Variants in SMO observed in about 807,000 individuals in gnomAD.
SMO encodes smoothened, frizzled class receptor.
In SMO, 40 loss-of-function variants were observed where a neutral mutation model predicts 81.6. The observed-to-expected ratio is 0.49, with a 90% CI of 0.38 to 0.64. The LOEUF is 0.64. Among genes scored for constraint, SMO ranks in the 30% least tolerant of loss-of-function variants. SMO has a pLI of 0.00. For missense variants in SMO, 916 were observed against 1,061.1 expected (o/e 0.86, Z 1.90); for synonymous variants, 434 against 432.1 (o/e 1.00, Z -0.05).
chr7:129,209,617 C>A (rs1050912770), intron 8 of SMO, among the ~76,000 whole-genome samples: 1 of 152,182 alleles, frequency 6.6e-6, no homozygotes, highest in South Asian at 2.1e-4. Flanking sequence ...CCCTCTCCAC[C>A]CCCTTGGTTG....
Position 129,208,110 on chromosome 7 carries a change from C to CT in SMO, c.1265-642dup, listed in dbSNP as rs922529629. On this transcript the variant is annotated intron_variant, in intron 6 of 11. Transcript: ENST00000249373. The surrounding 1 kb of genome is among the most constrained non-coding windows in gnomAD (Gnocchi z 5.2). ...TATTAGTTTTGCTTGTTTCTTTTAA[C>CT]TTTTTTTAAGTGGCCACTAGAAATT... 2.0e-4 allele frequency among the ~76,000 whole-genome samples: 31 copies of CT among 152,148 alleles called. No homozygotes were observed. The Middle Eastern group carries it at 0.014, about 67-fold the overall frequency.
chr7:129,197,717 G>A (rs774573880), intron 1 of SMO, among the ~76,000 whole-genome samples: 43 of 152,070 alleles, frequency 2.8e-4, no homozygotes, highest in Non-Finnish European at 5.4e-4. Context: ...CACTGCGCCC[G>A]GCTGAATTTT....
In SMO at chr7:129,210,310, A is replaced by T. The variant is rs1584665045; in HGVS notation, c.1467-53A>T. On this transcript the variant is annotated intron_variant, in intron 8 of 11. Coordinates refer to ENST00000249373, the MANE Select transcript of SMO (RefSeq NM_005631.5). The surrounding 1 kb of genome is among the most constrained non-coding windows in gnomAD (Gnocchi z 4.7). ...ACAGAGCAAGATCCTATCTCAAAAA[A>T]AGAGAGAGGAAAAGAAAGGAAAGCC... is the stretch of plus-strand genomic sequence containing the variant. 1 of 1,470,300 alleles carries T rather than the reference A, an allele frequency of 6.8e-7. No individual in the cohort carries two copies. The highest frequency in any genetic ancestry group is 1.1e-5 in the South Asian group (1 of 87,388). 91.1% of individuals were successfully genotyped at this position (1,470,300 alleles called of 1,614,324 possible). A position where few individuals can be genotyped will look rare whatever the true frequency, so the allele number is the denominator to read the frequency against.
Position 129,205,597 on chromosome 7 carries a change from TTC to T in SMO, c.748-7_748-6del. The T allele has an allele frequency of 6.2e-7, 1 of 1,609,516 alleles. No homozygotes were observed. Among genetic ancestry groups the T allele is most frequent in the Non-Finnish European group, 8.5e-7 (1 of 1,176,052 alleles). Reference sequence around the variant, plus strand: ...ACCCTAACCTCACAGAATGGCCCACTTCTCTCTTCTAGGCCACATTCGTGGCT... The same window carrying T: ...ACCCTAACCTCACAGAATGGCCCACTTCTCTTCTAGGCCACATTCGTGGCT... On this transcript the variant is annotated splice_polypyrimidine_tract_variant and intron_variant, in intron 3 of 11. Coordinates refer to ENST00000249373, the MANE Select transcript of SMO (RefSeq NM_005631.5).
chr7:129,210,614 A>G lies in SMO; in HGVS notation c.1652+66A>G, dbSNP rs1793854121. 6 of 1,355,048 alleles carry G rather than the reference A, an allele frequency of 4.4e-6. No homozygotes were observed. Among genetic ancestry groups the G allele is most frequent in the Non-Finnish European group, 6.3e-6 (6 of 956,332 alleles). The allele number at this position is 1,355,048 out of a possible 1,614,324, so 83.9% of individuals were successfully genotyped here. On this transcript the variant is annotated intron_variant, in intron 9 of 11. Transcript: ENST00000249373. This position sits in a 1 kb window ranked among gnomAD's most constrained non-coding sequence, Gnocchi z 4.7. ...CCCTCAGCCTTGGGACCCCATCTTT[A>G]GGTTTTGTCGGGTCCTGCCTCTAGC...
chr7:129,205,304 C>T lies in SMO; in HGVS notation c.639C>T (p.Cys213=), dbSNP rs756482877. 1.3e-5 allele frequency: 21 copies of T among 1,614,062 alleles called. No individual in the cohort carries two copies. The highest frequency in any genetic ancestry group is 1.7e-5 in the Admixed American group (1 of 60,014). ...PKSWYEDVEG[C]GIQCQNPLFT... ...GCTGGTACGAGGACGTGGAGGGCTGCGGCATCCAGTGCCAGAACCCGCTCT... is the reference window on the plus strand; with the variant it reads ...GCTGGTACGAGGACGTGGAGGGCTGTGGCATCCAGTGCCAGAACCCGCTCT... Residue 213 remains cysteine, a synonymous_variant, in exon 3 of 12, where the codon TGC becomes TGT. Coordinates refer to ENST00000249373, the MANE Select transcript of SMO (RefSeq NM_005631.5).
At chr7:129,201,027 G>A (rs1029372617) in intron 1 of SMO, among the ~76,000 whole-genome samples, 7 of 151,530 alleles carry the variant, frequency 4.6e-5, no homozygotes, top group African/African-American at 1.7e-4. Context: ...ATGAGCTACC[G>A]CACCTGGCTG....
chr7:129,205,515 A>T (rs1793749715), intron 3 of SMO, 95 bp from the exon 4 acceptor site: 13 of 1,516,906 alleles, frequency 8.6e-6, no homozygotes, highest in South Asian at 2.3e-5. Context: ...TCCCCAGGGA[A>T]GGGTCATGAT....
chr7:129,207,366 G>C (rs915899637), intron 6 of SMO, among the ~76,000 whole-genome samples: 13 of 152,166 alleles, frequency 8.5e-5, no homozygotes, highest in Non-Finnish European at 1.6e-4. Flanking sequence ...CACAGCATGC[G>C]TGGAATTAGT....
In SMO at chr7:129,211,808, G is replaced by A. The variant is rs770868327; in HGVS notation, c.1936+38G>A. ...AAGCTTCTGGAGGAAGGTGGGGGGA[G>A]CACAGAGGCTGGGGGCTTCTGGGAC... On this transcript the variant is annotated intron_variant, in intron 11 of 11. Transcript: ENST00000249373. The surrounding 1 kb of genome is among the most constrained non-coding windows in gnomAD (Gnocchi z 4.6). 3 of 1,612,766 alleles carry A rather than the reference G, an allele frequency of 1.9e-6. No homozygotes were observed. The highest frequency in any genetic ancestry group is 2.7e-5 in the African/African-American group (2 of 74,900).
At chr7:129,196,033 G>A (rs889779299) in intron 1 of SMO, among the ~76,000 whole-genome samples, 18 of 150,872 alleles carry the variant, frequency 1.2e-4, no homozygotes, top group East Asian at 1.2e-3. Context: ...CCCAGGAGGC[G>A]GAGCTTGCAG....
rs559523930 is a variant in SMO at position 129,210,220 on chromosome 7, G to A, written c.1467-143G>A. The stretch of plus-strand genomic sequence containing the variant: ...ACTTGGGAGGCTGAAGCAGGAGATT[G>A]CCTGAGCCCAGGAGTTGGAAGCTGC... On this transcript the variant is annotated intron_variant, in intron 8 of 11. Coordinates refer to ENST00000249373, the MANE Select transcript of SMO (RefSeq NM_005631.5). The surrounding 1 kb of genome is among the most constrained non-coding windows in gnomAD (Gnocchi z 4.7). 2.2e-5 allele frequency: 14 copies of A among 646,550 alleles called. No individual in the cohort carries two copies. In the African/African-American group the frequency reaches 2.2e-4, roughly 10 times the overall value. 40.1% of individuals were successfully genotyped at this position (646,550 alleles called of 1,614,324 possible).
rs752497829 is a variant in SMO at position 129,212,318 on chromosome 7, C to A, written c.2231C>A (p.Pro744His). The A allele has an allele frequency of 1.9e-6, 3 of 1,614,196 alleles. No homozygotes were observed. Among genetic ancestry groups the A allele is most frequent in the South Asian group, 2.2e-5 (2 of 91,084 alleles). Residue 744 changes from proline (P) to histidine (H), a missense_variant, in exon 12 of 12, where the codon CCT (proline) becomes CAT (histidine). Transcript: ENST00000249373. The surrounding 1 kb of genome is among the most constrained non-coding windows in gnomAD (Gnocchi z 5.0). The part of the protein sequence containing the change: ...SNPFCPEPSP[P>H]QDPFLPSAPA... ...CCATTCTGCCCAGAGCCCAGTCCCC[C>A]TCAGGATCCATTTCTGCCCAGTGCA...
At chr7:129,201,291 C>T (rs755538205) in intron 1 of SMO, among the ~76,000 whole-genome samples, 4 of 152,118 alleles carry the variant, frequency 2.6e-5, no homozygotes, top group Admixed American at 1.3e-4. Flanking sequence ...GTGATCCACC[C>T]GCCTCGGCCT....
rs2150637822 is a variant in SMO, at chr7:129,189,203, C to T, written c.52C>T (p.Leu18=). Residue 18 remains leucine (L), a synonymous_variant, in exon 1 of 12, where the codon CTG becomes TTG. Coordinates refer to ENST00000249373, the MANE Select transcript of SMO (RefSeq NM_005631.5). This position sits in a 1 kb window ranked among gnomAD's most constrained non-coding sequence, Gnocchi z 4.7. ...RGPELPLLGL[L]LLLLLGDPGR... ...GCCGGAGCTCCCGCTCCTGGGGCTG[C>T]TGCTGCTGCTGCTGCTGGGGGACCC... is the stretch of plus-strand genomic sequence containing the variant. 1 of 1,141,608 alleles carries T rather than the reference C, an allele frequency of 8.8e-7. No homozygotes were observed. Among genetic ancestry groups the T allele is most frequent in the Non-Finnish European group, 1.1e-6 (1 of 908,886 alleles). The allele number at this position is 1,141,608 out of a possible 1,614,324, so 70.7% of individuals were successfully genotyped here. A position where few individuals can be genotyped will look rare whatever the true frequency, so the allele number is the denominator to read the frequency against.
rs1793744398 is a variant in SMO at position 129,205,267 on chromosome 7, A to G, written c.602A>G (p.Asp201Gly). The change falls in exon 3 of 12, where the codon GAC (aspartate) becomes GGC (glycine). Residue 201 changes from aspartate (D) to glycine (G), a missense_variant. By Grantham distance (94) the Asp-to-Gly change is moderately conservative (BLOSUM62 -1). Transcript: ENST00000249373. ...GQCEVPLVRT[D>G]NPKSWYEDVE... ...TGCGAAGTGCCCTTGGTTCGGACAG[A>G]CAACCCCAAGAGCTGGTACGAGGAC... 6.2e-7 allele frequency: 1 copy of G among 1,614,242 alleles called. No homozygotes were observed. The highest frequency in any genetic ancestry group is 8.5e-7 in the Non-Finnish European group (1 of 1,180,032).
intron 4 of SMO, 63 bp downstream of exon 4, chr7:129,205,845 C>T (rs2150649552): frequency 1.3e-6 from 2 of 1,495,502 alleles, no homozygotes; most frequent in Non-Finnish European, 9.1e-7. Context: ...TGCGTTTACC[C>T]CAAAGGGAGC....
rs1793882610 is a variant in SMO, at chr7:129,212,137, C to T, written c.2050C>T (p.Pro684Ser). Residue 684 changes from proline to serine, a missense_variant, in exon 12 of 12, where the codon CCG (proline) becomes TCG (serine). By Grantham distance (74) the Pro-to-Ser change is moderately conservative. Around this residue, in one of 4 missense-constraint regions of SMO, gnomAD observed 324 missense variants for 312.9 expected, o/e 1.04. Transcript: ENST00000249373. The surrounding 1 kb of genome is among the most constrained non-coding windows in gnomAD (Gnocchi z 5.0). ...KRRKRKKEVC[P>S]LAPPPELHPP... ...GAGGAAGAGGAAGAAGGAGGTGTGC[C>T]CGCTGGCGCCGCCCCCTGAGCTTCA... 1 of 1,558,624 alleles carries T rather than the reference C, an allele frequency of 6.4e-7. No individual in the cohort carries two copies. The highest frequency in any genetic ancestry group is 8.7e-7 in the Non-Finnish European group (1 of 1,151,682).
intron 8 of SMO, chr7:129,209,819 G>A (rs1793839606): frequency 5.3e-6 from 1 of 190,128 alleles, no homozygotes; most frequent in Admixed American, 5.3e-5. Flanking sequence ...GCTTTTTTGT[G>A]TCATAATGAG....
Sources: gnomAD v4.1 joint callset for allele counts (sites outside exome capture counted in the v4.1 genomes callset) on GRCh38, gnomAD v4.1.1 for gene constraint, gnomAD v4.1.1 regional missense constraint, Gnocchi (gnomAD v3.1) non-coding constraint, MANE v1.5 for transcripts, NCBI Gene and HGNC (gene_info 2026-07-23, HGNC 2026-07-21) for gene names.